Variants in FAM171A1 observed in about 807,000 individuals in gnomAD.
FAM171A1 encodes protein FAM171A1.
Under a neutral mutation model 74.9 loss-of-function variants are expected in FAM171A1, and 23 were observed. The ratio of observed to expected loss-of-function variants is 0.31; its 90% CI spans 0.22 to 0.44. FAM171A1 has a LOEUF of 0.44. Ranked by LOEUF, FAM171A1 falls within the 20% of genes least tolerant of loss-of-function variation. FAM171A1 has a pLI of 1.00. For synonymous variants in FAM171A1, 527 were observed against 505.7 expected (o/e 1.04, Z -0.57); for missense variants, 1,162 against 1,159.2 (o/e 1.00, Z -0.03).
chr10:15,229,895 C>T (rs1287588806), intron 5 of FAM171A1, among the ~76,000 whole-genome samples: 2 of 96,236 alleles, frequency 2.1e-5, no homozygotes, highest in African/African-American at 8.0e-5. Flanking sequence ...CCACCATCAC[C>T]ATCATCACCA....
intron 2 of FAM171A1, 44 bp downstream of exon 2, chr10:15,283,834 C>T: frequency 6.3e-7 from 1 of 1,590,356 alleles, no homozygotes. Flanking sequence ...ATCCTCCCAC[C>T]AGCCAATGCC....
intron 5 of FAM171A1, among the ~76,000 whole-genome samples, chr10:15,221,457 C>G (rs1219903228): frequency 6.6e-6 from 1 of 152,168 alleles, no homozygotes; most frequent in Non-Finnish European, 1.5e-5. Flanking sequence ...TGTCCTTGAG[C>G]AAATTTTCTA....
chr10:15,318,123 C>T (rs997271599), intron 1 of FAM171A1, among the ~76,000 whole-genome samples: 3 of 152,136 alleles, frequency 2.0e-5, no homozygotes, highest in Non-Finnish European at 4.4e-5. Context: ...TAGAGGTATG[C>T]AATCACAAAA....
chr10:15,248,665 G>A lies in FAM171A1; in HGVS notation c.728C>T (p.Ala243Val), dbSNP rs767112266. ...QSSLRHNAYV[A>V]AWRFDQKLGT... Reference sequence around the variant, plus strand: ...CAGCTTCTGGTCAAACCGCCACGCCGCGACATAGGCATTGTGCCTCAGGCT... The same window carrying A: ...CAGCTTCTGGTCAAACCGCCACGCCACGACATAGGCATTGTGCCTCAGGCT... Residue 243 changes from alanine (A) to valine (V), a missense_variant, in exon 5 of 8, where the codon GCG (alanine) becomes GTG (valine). Coordinates refer to ENST00000378116, the MANE Select transcript of FAM171A1 (RefSeq NM_001010924.2). 4.3e-5 allele frequency: 70 copies of A among 1,609,870 alleles called. No individual in the cohort carries two copies. The highest frequency in any genetic ancestry group is 1.7e-4 in the Admixed American group (10 of 59,392).
At chr10:15,337,694 A>G (rs1434399130) in intron 1 of FAM171A1, among the ~76,000 whole-genome samples, 1 of 152,242 alleles carries the variant, frequency 6.6e-6, no homozygotes, top group African/African-American at 2.4e-5. Flanking sequence ...TACGCCTGCA[A>G]TCCCAGCACT....
chr10:15,322,738 C>T (rs1231806440), intron 1 of FAM171A1, among the ~76,000 whole-genome samples: 1 of 152,224 alleles, frequency 6.6e-6, no homozygotes, highest in East Asian at 1.9e-4. Context: ...GGGTCTGGTC[C>T]TTAGCCCTGA....
At chr10:15,226,657 A>C (rs1834111564) in intron 5 of FAM171A1, among the ~76,000 whole-genome samples, 1 of 152,184 alleles carries the variant, frequency 6.6e-6, no homozygotes, top group South Asian at 2.1e-4. Context: ...TGTGAATACA[A>C]TTTTGACTTT....
In FAM171A1 at chr10:15,213,722, A is replaced by C; in HGVS notation, c.1866T>G (p.His622Gln). 1.2e-6 allele frequency: 2 copies of C among 1,612,480 alleles called. No individual in the cohort carries two copies. Among genetic ancestry groups the C allele is most frequent in the African/African-American group, 2.7e-5 (2 of 75,008 alleles). The change falls in exon 8 of 8, where the codon CAT becomes CAG. Residue 622 changes from histidine to glutamine, a missense_variant. Physicochemically the swap from His to Gln is conservative, Grantham distance 24. Transcript: ENST00000378116. The surrounding 1 kb of genome is among the most constrained non-coding windows in gnomAD (Gnocchi z 6.8). ...ERLQAELSNP[H>Q]AGIFPHPSSQ... ...AGGACGGGTGTGGGAAGATCCCGGC[A>C]TGGGGATTGGACAGCTCAGCCTGTA... is the stretch of plus-strand genomic sequence containing the variant.
chr10:15,337,145 T>C (rs995984046), intron 1 of FAM171A1, among the ~76,000 whole-genome samples: 2 of 151,834 alleles, frequency 1.3e-5, no homozygotes, highest in African/African-American at 2.4e-5. Context: ...CCTCCCAAAG[T>C]GTCAGGATTA....
intron 3 of FAM171A1, among the ~76,000 whole-genome samples, chr10:15,270,605 G>C (rs1365391957): frequency 6.6e-6 from 1 of 152,190 alleles, no homozygotes; most frequent in Admixed American, 6.5e-5. Context: ...CCCCCGAGTA[G>C]CCTAACTGGG....
chr10:15,300,259 C>G (rs1348483273), intron 1 of FAM171A1, among the ~76,000 whole-genome samples: 2 of 152,168 alleles, frequency 1.3e-5, no homozygotes, highest in African/African-American at 4.8e-5. Context: ...ATTTACATTA[C>G]AAATATTCCT....
rs1219676382 is a variant in FAM171A1, at chr10:15,214,330, T to C, written c.1258A>G (p.Ser420Gly). The change falls in exon 8 of 8, where the codon AGC (serine) becomes GGC (glycine). Residue 420 changes from serine to glycine, a missense_variant. Physicochemically the swap from Ser to Gly is moderately conservative, Grantham distance 56. Coordinates refer to ENST00000378116, the MANE Select transcript of FAM171A1 (RefSeq NM_001010924.2). ...LHTPMLKLSYSTSQEFSSREE... is the reference protein window; with the variant it reads ...LHTPMLKLSYGTSQEFSSREE... ...CGGGAGCTAAATTCCTGGGAGGTGC[T>C]GTAGGAGAGCTTGAGCATGGGGGTG... is the stretch of plus-strand genomic sequence containing the variant. The C allele has an allele frequency of 1.2e-6, 2 of 1,612,834 alleles. No homozygotes were observed. Among genetic ancestry groups the C allele is most frequent in the African/African-American group, 1.3e-5 (1 of 74,818 alleles).
chr10:15,311,509 A>T (rs17156548), intron 1 of FAM171A1, among the ~76,000 whole-genome samples: 1 of 152,164 alleles, frequency 6.6e-6, no homozygotes, highest in South Asian at 2.1e-4. Context: ...AACAGATTGC[A>T]TTGCTCTCCT....
chr10:15,337,034 A>T (rs952392530), intron 1 of FAM171A1, among the ~76,000 whole-genome samples: 2 of 150,078 alleles, frequency 1.3e-5, no homozygotes, highest in Non-Finnish European at 2.9e-5. Context: ...AGCTAGGACT[A>T]CAGTTGGCTA....
In FAM171A1 at chr10:15,320,492, G is replaced by C. The variant is rs1179563133; in HGVS notation, c.98-36387C>G. On this transcript the variant is annotated intron_variant, in intron 1 of 7. Transcript: ENST00000378116. ...ATTCCTTTAGGTATAAATGTAATGG[G>C]ATTGCCAGGTCGAATGGCAGTTCTG... 2.6e-5 allele frequency among the ~76,000 whole-genome samples: 4 copies of C among 152,200 alleles called. No individual in the cohort carries two copies. The East Asian group carries it at 7.7e-4, about 29-fold the overall frequency.
intron 1 of FAM171A1, among the ~76,000 whole-genome samples, chr10:15,349,339 A>G (rs1274156094): frequency 6.6e-6 from 1 of 152,244 alleles, no homozygotes; most frequent in Non-Finnish European, 1.5e-5. Flanking sequence ...CTGTGAACTC[A>G]GGAAGGGCGA....
chr10:15,315,139 A>G (rs1219958225), intron 1 of FAM171A1, among the ~76,000 whole-genome samples: 1 of 152,256 alleles, frequency 6.6e-6, no homozygotes, highest in East Asian at 1.9e-4. Context: ...GGACACACGT[A>G]TACACCTGTG....
chr10:15,289,899 A>G (rs1233524090), intron 1 of FAM171A1, among the ~76,000 whole-genome samples: 1 of 152,244 alleles, frequency 6.6e-6, no homozygotes, highest in East Asian at 1.9e-4. Context: ...CACGGAGACC[A>G]TAAGGGCTGC....
chr10:15,258,177 C>G (rs963141690), intron 3 of FAM171A1, among the ~76,000 whole-genome samples: 2 of 152,178 alleles, frequency 1.3e-5, no homozygotes, highest in African/African-American at 4.8e-5. Context: ...TCTCCTGCCT[C>G]AGCCTCCCAA....
Sources: gnomAD v4.1 joint callset for allele counts (sites outside exome capture counted in the v4.1 genomes callset) on GRCh38, gnomAD v4.1.1 for gene constraint, Gnocchi (gnomAD v3.1) non-coding constraint, MANE v1.5 for transcripts, NCBI Gene and HGNC (gene_info 2026-07-23, HGNC 2026-07-21) for gene names.